The following CEP250 variants were observed in gnomAD, a reference collection of about 807,000 sequenced individuals.
The protein encoded by CEP250 is centrosome-associated protein CEP250.
Under a neutral mutation model 315.7 loss-of-function variants are expected in CEP250, and 242 were observed. That is an observed-to-expected ratio of 0.77 (90% CI 0.69 to 0.85). The LOEUF (loss-of-function observed/expected upper bound fraction) is 0.85. Ranked by LOEUF, CEP250 falls within the 40% of genes least tolerant of loss-of-function variation. The probability of loss-of-function intolerance (pLI) is 0.00; values close to 1 mark genes in which losing one functional copy is unlikely to be tolerated. For missense variants in CEP250, 2,515 were observed against 2,886.4 expected, an observed-to-expected ratio of 0.87 and a Z score of 2.95; for synonymous variants, 1,088 against 1,175.0, an observed-to-expected ratio of 0.93 and a Z score of 1.51.
At chr20:35,502,318 G>C (rs1161808401) in intron 29 of CEP250, 72 bp from the exon 30 acceptor site, 52 of 1,316,476 alleles carry the variant, frequency 3.9e-5, no homozygotes, top group Non-Finnish European at 4.9e-5. Flanking sequence ...AAATAAGAAA[G>C]AGAAGGGTCG....
chr20:35,483,858 G>A (rs1019834423), intron 20 of CEP250, among the ~76,000 whole-genome samples: 13 of 151,658 alleles, frequency 8.6e-5, no homozygotes, highest in African/African-American at 2.4e-4. Context: ...CAGCTGTGTC[G>A]AATCTGATGT....
At chr20:35,495,580 C>G (rs1036741161) in intron 24 of CEP250, among the ~76,000 whole-genome samples, 1 of 151,870 alleles carries the variant, frequency 6.6e-6, no homozygotes, top group Non-Finnish European at 1.5e-5. Flanking sequence ...GCCAACATGT[C>G]TACTAAAAAT....
chr20:35,488,589 A>G (rs1252005413), intron 20 of CEP250, among the ~76,000 whole-genome samples: 1 of 151,930 alleles, frequency 6.6e-6, no homozygotes, highest in African/African-American at 2.4e-5. Context: ...TCAGCCTCCC[A>G]AGTAGCTGGG....
At chr20:35,458,760 T>C (rs933311231) in intron 2 of CEP250, among the ~76,000 whole-genome samples, 3 of 152,192 alleles carry the variant, frequency 2.0e-5, no homozygotes. Flanking sequence ...GAGATAATTT[T>C]TCTCTGTCTC....
chr20:35,456,358 T>C (rs2062625218), intron 1 of CEP250, among the ~76,000 whole-genome samples: 1 of 152,244 alleles, frequency 6.6e-6, no homozygotes, highest in Non-Finnish European at 1.5e-5. Context: ...GGGCATTTGA[T>C]GACTTGACTA....
At chr20:35,468,495 A>G (rs938071561) in intron 9 of CEP250, among the ~76,000 whole-genome samples, 12 of 152,204 alleles carry the variant, frequency 7.9e-5, no homozygotes, top group African/African-American at 2.7e-4. Flanking sequence ...CAAAGTTCAT[A>G]TATGCCCATG....
intron 20 of CEP250, among the ~76,000 whole-genome samples, chr20:35,482,215 G>C (rs1219320499): frequency 6.8e-6 from 1 of 147,962 alleles, no homozygotes. Flanking sequence ...ACAGTTTCTT[G>C]TGTTTATTAT....
At chr20:35,476,856 TG>T (rs2063187854) in intron 16 of CEP250, among the ~76,000 whole-genome samples, 1 of 152,168 alleles carries the variant, frequency 6.6e-6, no homozygotes, top group Non-Finnish European at 1.5e-5. Flanking sequence ...GGTTTTTTGC[TG>T]GGGTTTTCTT....
At chr20:35,491,496 G>A (rs2063693306) in intron 22 of CEP250, 150 bp downstream of exon 22, 1 of 910,892 alleles carries the variant, frequency 1.1e-6, no homozygotes, top group African/African-American at 1.7e-5. Context: ...AGGCTGGGCA[G>A]GGTAGATCAC....
Position 35,504,846 on chromosome 20 carries a change from GAGAC to G in CEP250, c.6485_6488del (p.Thr2162LysfsTer18), listed in dbSNP as rs758890931. On this transcript the variant is annotated frameshift_variant, in exon 30 of 35. Transcript: ENST00000397527. LOFTEE classifies it high-confidence loss of function. ...AGCTGGAGCGGCTACAGGCAGCCCTGAGACAGACAGAAGCCAGGGAGATTGAGTG... is the reference window on the plus strand; with the variant it reads ...AGCTGGAGCGGCTACAGGCAGCCCTGAGACAGAAGCCAGGGAGATTGAGTG... 19 of 1,614,114 alleles carry G rather than the reference GAGAC, an allele frequency of 1.2e-5. No homozygotes were observed. Among genetic ancestry groups the G allele is most frequent in the African/African-American group, 2.7e-5 (2 of 74,934 alleles).
In CEP250 at chr20:35,508,044, G is replaced by A. The variant is rs770862466; in HGVS notation, c.6760G>A (p.Val2254Met). The change falls in exon 32 of 35, where the codon GTG becomes ATG. Residue 2254 changes from valine (V) to methionine (M), a missense_variant. Physicochemically the swap from Val to Met is conservative, Grantham distance 21. Coordinates refer to ENST00000397527, the MANE Select transcript of CEP250 (RefSeq NM_007186.6). ...CAGGTCTTTCCCACAGGTCTCAGGAGTGGAGGCTGAGCCTAGTCCTGATGG... is the reference window on the plus strand; with the variant it reads ...CAGGTCTTTCCCACAGGTCTCAGGAATGGAGGCTGAGCCTAGTCCTGATGG... ...QGVQLGEVSGVEAEPSPDGME... is the reference protein window; with the variant it reads ...QGVQLGEVSGMEAEPSPDGME... 2.5e-6 allele frequency: 4 copies of A among 1,614,208 alleles called. No individual in the cohort carries two copies. The highest frequency in any genetic ancestry group is 1.1e-5 in the South Asian group (1 of 91,086).
intron 14 of CEP250, among the ~76,000 whole-genome samples, chr20:35,474,458 A>T (rs912948157): frequency 6.6e-6 from 1 of 152,218 alleles, no homozygotes; most frequent in African/African-American, 2.4e-5. Flanking sequence ...GAGAGAGTAG[A>T]CTTTGAGCTG....
At chr20:35,468,415 A>T (rs750209151) in intron 9 of CEP250, among the ~76,000 whole-genome samples, 6 of 152,076 alleles carry the variant, frequency 3.9e-5, no homozygotes, top group Admixed American at 6.5e-5. Context: ...ATTATAATGA[A>T]GTAGGTTTTT....
At chr20:35,490,834 G>A (rs373652812) in intron 21 of CEP250, 30 bp downstream of exon 21, 82 of 1,607,280 alleles carry the variant, frequency 5.1e-5, no homozygotes, top group Non-Finnish European at 6.6e-5. Flanking sequence ...GGAGCTGCAC[G>A]TCCAGTCAGC....
intron 6 of CEP250, 100 bp from the exon 7 acceptor site, chr20:35,465,939 T>C (rs2062867582): frequency 3.2e-6 from 5 of 1,544,768 alleles, no homozygotes; most frequent in Non-Finnish European, 4.4e-6. Context: ...CTCTAATTCC[T>C]GCAATGGAAA....
chr20:35,480,078 G>A lies in CEP250; in HGVS notation c.2519G>A (p.Gly840Glu). ...CAGCTGGCCCAGGCTGAGCAAGAAG[G>A]GAAGACTGCCTTGGAGCAGCAGAAG... Reference protein sequence around the residue: ...ARQLAQAEQEGKTALEQQKAA... With the variant: ...ARQLAQAEQEEKTALEQQKAA... Residue 840 changes from glycine to glutamate, a missense_variant, in exon 20 of 35, where the codon GGG becomes GAG. By Grantham distance (98) the Gly-to-Glu change is moderately conservative. Transcript: ENST00000397527. 1.9e-6 allele frequency: 3 copies of A among 1,612,984 alleles called. 1 individual carries two copies. Among genetic ancestry groups the A allele is most frequent in the East Asian group, 2.2e-5 (1 of 44,882 alleles).
intron 20 of CEP250, among the ~76,000 whole-genome samples, chr20:35,488,841 G>C (rs140634800): frequency 5.3e-5 from 8 of 152,178 alleles, no homozygotes; most frequent in South Asian, 4.2e-4. Flanking sequence ...GATGGAGTAG[G>C]GGGGAGAAGG....
Position 35,501,944 on chromosome 20 carries a change from A to G in CEP250, c.3998A>G (p.Glu1333Gly). 1 of 1,613,014 alleles carries G rather than the reference A, an allele frequency of 6.2e-7. No individual in the cohort carries two copies. Among genetic ancestry groups the G allele is most frequent in the Non-Finnish European group, 8.5e-7 (1 of 1,179,980 alleles). Residue 1333 changes from glutamate (E) to glycine (G), a missense_variant, in exon 29 of 35, where the codon GAG becomes GGG. By Grantham distance (98) the Glu-to-Gly change is moderately conservative. Coordinates refer to ENST00000397527, the MANE Select transcript of CEP250 (RefSeq NM_007186.6). ...ASLQSRLRRA[E>G]LQRMEAQGER... ...TTACAGAGTCGCCTGCGGAGAGCAG[A>G]GCTACAGCGAATGGAAGCCCAGGTA... is the stretch of plus-strand genomic sequence containing the variant.
In CEP250 at chr20:35,496,600, A is replaced by G; in HGVS notation, c.3191A>G (p.Lys1064Arg). Residue 1064 changes from lysine to arginine, a missense_variant, in exon 25 of 35, where the codon AAG becomes AGG. Lys to Arg is a conservative substitution (Grantham distance 26). Transcript: ENST00000397527. ...KASLTLSLMEKEQRLLVLQEA... is the reference protein window; with the variant it reads ...KASLTLSLMEREQRLLVLQEA... ...AGCCTGACTCTCTCACTGATGGAAA[A>G]GGAACAGAGACTCCTTGTTTTACAA... 6.2e-7 allele frequency: 1 copy of G among 1,613,904 alleles called. No individual in the cohort carries two copies. Among genetic ancestry groups the G allele is most frequent in the Non-Finnish European group, 8.5e-7 (1 of 1,179,910 alleles).
Sources: gnomAD v4.1 joint callset for allele counts (sites outside exome capture counted in the v4.1 genomes callset) on GRCh38, gnomAD v4.1.1 for gene constraint, MANE v1.5 for transcripts, NCBI Gene and HGNC (gene_info 2026-07-23, HGNC 2026-07-21) for gene names.